Variants in PLIN1 observed in about 807,000 individuals in gnomAD.
The protein encoded by PLIN1 is perilipin-1.
A neutral mutation model predicts 45.8 loss-of-function variants in PLIN1; 37 were observed. That is an observed-to-expected ratio of 0.81 (90% CI 0.62 to 1.06). The LOEUF (loss-of-function observed/expected upper bound fraction) is 1.06. Among genes scored for constraint, PLIN1 ranks in the 50% least tolerant of loss-of-function variants. PLIN1 has a pLI of 0.00. For synonymous variants in PLIN1, 340 were observed against 309.2 expected, an observed-to-expected ratio of 1.10 and a Z score of -1.05; for missense variants, 776 against 716.5, an observed-to-expected ratio of 1.08 and a Z score of -0.95.
chr15:89,677,699 C>T, intron 1 of PLIN1, 196 bp from the exon 2 acceptor site: 1 of 635,834 alleles, frequency 1.6e-6, no homozygotes, highest in Non-Finnish European at 2.8e-6. Flanking sequence ...CAATGAGTTG[C>T]TCCATAGCTT....
At position 89,677,189 on chromosome 15, in the gene PLIN1, G is replaced by A. The variant is rs8179048; in HGVS notation, c.45+256C>T. 381 of 558,380 alleles carry A rather than the reference G, an allele frequency of 6.8e-4. 1 individual carries two copies. The highest frequency in any genetic ancestry group is 1.7e-3 in the South Asian group (81 of 48,528). The allele number at this position is 558,380 out of a possible 1,614,324, so 34.6% of individuals were successfully genotyped here. On this transcript the variant is annotated intron_variant, in intron 2 of 8. Coordinates refer to ENST00000300055, the MANE Select transcript of PLIN1 (RefSeq NM_002666.5). ...AGTTTCCTTCCTCTCCACTCCCCCC[G>A]TCCCTAAGCCAGGATTTCTGTCCCT... is the stretch of plus-strand genomic sequence containing the variant.
chr15:89,677,617 G>T, intron 1 of PLIN1, 114 bp from the exon 2 acceptor site: 1 of 845,536 alleles, frequency 1.2e-6, no homozygotes. Flanking sequence ...GGGCCCATTT[G>T]CCCTGAACAG....
intron 3 of PLIN1, 114 bp downstream of exon 3, chr15:89,673,096 T>C (rs1430395084): frequency 3.8e-6 from 3 of 796,762 alleles, no homozygotes; most frequent in Non-Finnish European, 6.3e-6. Flanking sequence ...TGTGGGCAGT[T>C]AAGCAGACAG....
rs1158000288 is a variant in PLIN1 at position 89,666,833 on chromosome 15, T to C, written c.1209+103A>G. On this transcript the variant is annotated intron_variant, in intron 8 of 8. Transcript: ENST00000300055. ...GAGTGGGGGGCGGTCTCCAGAGGAG[T>C]AGGGGAAAGGAGGGGGACTGCAGCC... The C allele has an allele frequency of 2.8e-5, 37 of 1,341,928 alleles. No individual in the cohort carries two copies. The East Asian group carries it at 7.9e-4, about 29-fold the overall frequency. 83.1% of individuals were successfully genotyped at this position (1,341,928 alleles called of 1,614,324 possible).
At chr15:89,671,088 A>C (rs1174779045) in intron 4 of PLIN1, among the ~76,000 whole-genome samples, 1 of 152,208 alleles carries the variant, frequency 6.6e-6, no homozygotes, top group Admixed American at 6.5e-5. Context: ...AAAAGGTTGG[A>C]TCTTGAGGAT....
rs756335518 is a variant in PLIN1 at position 89,665,072 on chromosome 15, G to A, written c.*511C>T. ...TTGTTCCCTTCAAAGTAGCCTGCTG[G>A]GAGCCTAGATCATCAGAGGATGTTC... On this transcript the variant is annotated 3_prime_UTR_variant, in exon 9 of 9. Coordinates refer to ENST00000300055, the MANE Select transcript of PLIN1 (RefSeq NM_002666.5). 7 of 382,590 alleles carry A rather than the reference G, an allele frequency of 1.8e-5. No individual in the cohort carries two copies. Among genetic ancestry groups the A allele is most frequent in the African/African-American group, 4.2e-5 (2 of 47,692 alleles). 23.7% of individuals were successfully genotyped at this position (382,590 alleles called of 1,614,324 possible). A position where few individuals can be genotyped will look rare whatever the true frequency, so the allele number is the denominator to read the frequency against.
chr15:89,667,834 T>A, intron 6 of PLIN1, 41 bp from the exon 7 acceptor site: 2 of 1,541,738 alleles, frequency 1.3e-6, no homozygotes, highest in Middle Eastern at 1.7e-4. Context: ...CAACTGCCCC[T>A]GCTGAAGGCC....
rs756116966 is a variant in PLIN1, at chr15:89,666,939, C to T, written c.1206G>A (p.Val402=). 1.1e-4 allele frequency: 182 copies of T among 1,613,978 alleles called. 4 individuals are homozygous for T. The South Asian group carries it at 1.7e-3, about 15-fold the overall frequency. ...DNVVDTVVHY[V]PLPRLSLMEP... Reference sequence around the variant, plus strand: ...GTTTGCCAGGGGTGGTACTCACCGGCACGTAATGCACCACTGTGTCCACCA... The same window carrying T: ...GTTTGCCAGGGGTGGTACTCACCGGTACGTAATGCACCACTGTGTCCACCA... Residue 402 remains valine (V), a synonymous_variant, in exon 8 of 9, where the codon GTG becomes GTA. Coordinates refer to ENST00000300055, the MANE Select transcript of PLIN1 (RefSeq NM_002666.5).
At position 89,667,138 on chromosome 15, in the gene PLIN1, G is replaced by A. The variant is rs367976552; in HGVS notation, c.1007C>T (p.Ala336Val). 4.5e-5 allele frequency: 73 copies of A among 1,613,740 alleles called. No individual in the cohort carries two copies. Among genetic ancestry groups the A allele is most frequent in the African/African-American group, 2.4e-4 (18 of 74,900 alleles). ...CTGGAGGGTCTTCTGCAGGGTATGTGCCACACCACCCAGGAGGCCTCGAGG... is the reference window on the plus strand; with the variant it reads ...CTGGAGGGTCTTCTGCAGGGTATGTACCACACCACCCAGGAGGCCTCGAGG... ...PGPRGLLGGV[A>V]HTLQKTLQTT... Residue 336 changes from alanine (A) to valine (V), a missense_variant, in exon 8 of 9, where the codon GCA becomes GTA. Ala to Val is a moderately conservative substitution (Grantham distance 64). Coordinates refer to ENST00000300055, the MANE Select transcript of PLIN1 (RefSeq NM_002666.5).
At chr15:89,676,463 G>C (rs184366495) in intron 2 of PLIN1, among the ~76,000 whole-genome samples, 2 of 152,126 alleles carry the variant, frequency 1.3e-5, no homozygotes, top group African/African-American at 2.4e-5. Flanking sequence ...TAGCCAGGAT[G>C]GTCTTGATCT....
intron 1 of PLIN1, 37 bp from the exon 2 acceptor site, chr15:89,677,540 C>T: frequency 6.4e-7 from 1 of 1,560,936 alleles, no homozygotes; most frequent in Non-Finnish European, 8.8e-7. Context: ...CAGAAGCCCT[C>T]AGGCTTGAGC....
At position 89,664,566 on chromosome 15, in the gene PLIN1, T is replaced by G. The variant is rs1177684828; in HGVS notation, c.*1017A>C. 1 of 239,812 alleles carries G rather than the reference T, an allele frequency of 4.2e-6. No individual in the cohort carries two copies. The highest frequency in any genetic ancestry group is 1.2e-4 in the East Asian group (1 of 8,560). The allele number at this position is 239,812 out of a possible 1,614,324, so 14.9% of individuals were successfully genotyped here. A position where few individuals can be genotyped will look rare whatever the true frequency, so the allele number is the denominator to read the frequency against. ...ACAAAAATCTCTCCAAGCTGTATTA[T>G]TAAGTGAAAAAAGCAGGCATGCGTA... On this transcript the variant is annotated 3_prime_UTR_variant, in exon 9 of 9. Coordinates refer to ENST00000300055, the MANE Select transcript of PLIN1 (RefSeq NM_002666.5).
Position 89,670,194 on chromosome 15 carries a change from T to C in PLIN1, c.384A>G (p.Arg128=). Residue 128 remains arginine (R), a synonymous_variant, in exon 5 of 9, where the codon AGA becomes AGG. Transcript: ENST00000300055. ...DTISTRLRSA[R]NSISVPIAST... is the part of the protein sequence containing the mutation. Reference sequence around the variant, plus strand: ...TCGCGATGGGAACGCTGATGCTGTTTCTGGCACTGCGGAGGCGGGTGGAGA... The same window carrying C: ...TCGCGATGGGAACGCTGATGCTGTTCCTGGCACTGCGGAGGCGGGTGGAGA... 6.2e-7 allele frequency: 1 copy of C among 1,613,992 alleles called. No homozygotes were observed. Among genetic ancestry groups the C allele is most frequent in the Non-Finnish European group, 8.5e-7 (1 of 1,179,974 alleles).
chr15:89,667,068 G>A lies in PLIN1; in HGVS notation c.1077C>T (p.Gly359=), dbSNP rs1964356668. 1.2e-6 allele frequency: 2 copies of A among 1,614,108 alleles called. No individual in the cohort carries two copies. The highest frequency in any genetic ancestry group is 1.7e-6 in the Non-Finnish European group (2 of 1,180,006). Residue 359 remains glycine, a synonymous_variant, in exon 8 of 9, where the codon GGC becomes GGT. Transcript: ENST00000300055. ...TGAGGTGCAGCACCCTCCCTGCCATGCCCAGCACAGCTGCAGGTGCCCATG... is the reference window on the plus strand; with the variant it reads ...TGAGGTGCAGCACCCTCCCTGCCATACCCAGCACAGCTGCAGGTGCCCATG... ...AVTWAPAAVL[G]MAGRVLHLTP...
At chr15:89,666,596 GGCA>G (rs1336403632) in intron 8 of PLIN1, among the ~76,000 whole-genome samples, 2 of 152,166 alleles carry the variant, frequency 1.3e-5, no homozygotes, top group African/African-American at 4.8e-5. Flanking sequence ...CCCCTTCCCA[GGCA>G]GCAGCATGCA....
In PLIN1 at chr15:89,667,173, G is replaced by C. The variant is rs1314282768; in HGVS notation, c.972C>G (p.Ala324=). 7.4e-6 allele frequency: 12 copies of C among 1,613,160 alleles called. No homozygotes were observed. The highest frequency in any genetic ancestry group is 9.3e-6 in the Non-Finnish European group (11 of 1,180,002). The change falls in exon 8 of 9, where the codon GCC becomes GCG. Residue 324 remains alanine, a synonymous_variant. Transcript: ENST00000300055. The part of the protein sequence containing the change: ...TEENKFSEVA[A]LPGPRGLLGG... ...CCAGGAGGCCTCGAGGGCCTGGCAGGGCTGCTACCTGGGGGCCAAAGCAGG... is the reference window on the plus strand; with the variant it reads ...CCAGGAGGCCTCGAGGGCCTGGCAGCGCTGCTACCTGGGGGCCAAAGCAGG...
chr15:89,671,622 G>A (rs1465904545), intron 3 of PLIN1, 58 bp from the exon 4 acceptor site: 3 of 1,235,760 alleles, frequency 2.4e-6, no homozygotes, highest in South Asian at 2.6e-5. Context: ...GAATCTAGCA[G>A]TGGCTTCTGT....
Position 89,665,061 on chromosome 15 carries a change from GT to G in PLIN1, c.*521del. 2.6e-6 allele frequency: 1 copy of G among 392,054 alleles called. No homozygotes were observed. Among genetic ancestry groups the G allele is most frequent in the Non-Finnish European group, 5.1e-6 (1 of 196,740 alleles). The allele number at this position is 392,054 out of a possible 1,614,324, so 24.3% of individuals were successfully genotyped here. On this transcript the variant is annotated 3_prime_UTR_variant, in exon 9 of 9. Coordinates refer to ENST00000300055, the MANE Select transcript of PLIN1 (RefSeq NM_002666.5). ...TTTGCATCTGATTGTTCCCTTCAAA[GT>G]AGCCTGCTGGGAGCCTAGATCATCA...
Position 89,667,592 on chromosome 15 carries a change from T to C in PLIN1, c.963+10A>G. 10 of 1,614,044 alleles carry C rather than the reference T, an allele frequency of 6.2e-6. No homozygotes were observed. Among genetic ancestry groups the C allele is most frequent in the Non-Finnish European group, 8.5e-6 (10 of 1,179,908 alleles). On this transcript the variant is annotated intron_variant, in intron 7 of 8. Coordinates refer to ENST00000300055, the MANE Select transcript of PLIN1 (RefSeq NM_002666.5). ...CTGGGGGACCTTGAGGCTCCCACTC[T>C]CCCCCTCACCTCACTGAACTTGTTC...
Sources: gnomAD v4.1 joint callset for allele counts (sites outside exome capture counted in the v4.1 genomes callset) on GRCh38, gnomAD v4.1.1 for gene constraint, MANE v1.5 for transcripts, NCBI Gene and HGNC (gene_info 2026-07-23, HGNC 2026-07-21) for gene names.